RYR2: variants seen among roughly 807,000 people sequenced by gnomAD.
RYR2 encodes ryanodine receptor 2.
In RYR2, 227 loss-of-function variants were observed where a neutral mutation model predicts 601.1. The ratio of observed to expected loss-of-function variants is 0.38; its 90% CI spans 0.34 to 0.42. RYR2 has a LOEUF of 0.42. Ranked by LOEUF, RYR2 falls within the 10% of genes least tolerant of loss-of-function variation. RYR2 has a pLI of 1.00. For synonymous variants in RYR2, 2,223 were observed against 2,175.1 expected (o/e 1.02, Z -0.61); for missense variants, 4,646 against 6,156.5 (o/e 0.75, Z 8.21).
At chr1:237,648,040 C>G (rs1351986989) in intron 48 of RYR2, among the ~76,000 whole-genome samples, 1 of 152,158 alleles carries the variant, frequency 6.6e-6, no homozygotes, top group East Asian at 1.9e-4. Flanking sequence ...CCAAGATTAT[C>G]ACATAAAGGT....
chr1:237,042,631 G>T, intron 1 of RYR2, 62 bp downstream of exon 1: 1 of 1,243,874 alleles, frequency 8.0e-7, no homozygotes, highest in Non-Finnish European at 1.0e-6. Context: ...CCACTAGCGG[G>T]GTCCGGGCAG....
intron 13 of RYR2, among the ~76,000 whole-genome samples, chr1:237,441,694 C>T (rs1258654586): frequency 2.6e-5 from 4 of 152,030 alleles, no homozygotes; most frequent in African/African-American, 4.8e-5. Context: ...TTATGGGATG[C>T]GTGCATTTAA....
chr1:237,102,844 G>A (rs990420520), intron 1 of RYR2, among the ~76,000 whole-genome samples: 1 of 152,066 alleles, frequency 6.6e-6, no homozygotes, highest in Non-Finnish European at 1.5e-5. Context: ...AACAGAGCAA[G>A]ACTCCATCTA....
At chr1:237,258,090 C>T (rs1299549300) in intron 1 of RYR2, among the ~76,000 whole-genome samples, 1 of 150,210 alleles carries the variant, frequency 6.7e-6, no homozygotes, top group Non-Finnish European at 1.5e-5. Context: ...ATCCCTTGAA[C>T]CCAGGAGGTC....
intron 1 of RYR2, among the ~76,000 whole-genome samples, chr1:237,199,822 T>C (rs1047909437): frequency 6.6e-6 from 1 of 152,210 alleles, no homozygotes; most frequent in African/African-American, 2.4e-5. Context: ...CATCATCTCA[T>C]ATGCATGGAA....
intron 63 of RYR2, among the ~76,000 whole-genome samples, chr1:237,692,230 G>C (rs182834047): frequency 6.6e-6 from 1 of 152,138 alleles, no homozygotes; most frequent in Admixed American, 6.5e-5. Context: ...TGTCTGCCAC[G>C]TGAAAGGCAT....
chr1:237,165,815 A>G (rs1337664467), intron 1 of RYR2, among the ~76,000 whole-genome samples: 1 of 152,062 alleles, frequency 6.6e-6, no homozygotes, highest in Non-Finnish European at 1.5e-5. Flanking sequence ...CAGCTTGGCA[A>G]TATAGTGAGA....
intron 67 of RYR2, among the ~76,000 whole-genome samples, chr1:237,706,456 G>A (rs1413740848): frequency 6.6e-6 from 1 of 152,182 alleles, no homozygotes; most frequent in Non-Finnish European, 1.5e-5. Context: ...GTGAAAAGCA[G>A]CTTTGTTCCT....
chr1:237,666,718 T>C, intron 57 of RYR2, 129 bp downstream of exon 57: 1 of 726,812 alleles, frequency 1.4e-6, no homozygotes, highest in Middle Eastern at 3.5e-4. Context: ...ATCCATGGAA[T>C]TTATAGATTA....
At chr1:237,671,169 T>G (rs186040282) in intron 58 of RYR2, among the ~76,000 whole-genome samples, 1 of 152,254 alleles carries the variant, frequency 6.6e-6, no homozygotes, top group East Asian at 1.9e-4. Context: ...TGGATCTCAT[T>G]TTTAAAGAGG....
chr1:237,333,359 A>G (rs1284209194), intron 3 of RYR2, among the ~76,000 whole-genome samples: 6 of 152,210 alleles, frequency 3.9e-5, no homozygotes, highest in Non-Finnish European at 8.8e-5. Context: ...TATACCCAGA[A>G]ATGATATTCA....
At chr1:237,268,673 C>T (rs568109108) in intron 1 of RYR2, among the ~76,000 whole-genome samples, 1 of 152,008 alleles carries the variant, frequency 6.6e-6, no homozygotes, top group African/African-American at 2.4e-5. Flanking sequence ...TGCGGTGGCT[C>T]ACACCTGTAA....
chr1:237,726,970 C>A lies in RYR2; in HGVS notation c.10726-117C>A, dbSNP rs1690256048. ...GAATTGGAATTCCAAATATAGATTA[C>A]TTAAGAGGGGCAACTGTTTAATACT... On this transcript the variant is annotated intron_variant, in intron 75 of 104. Coordinates refer to ENST00000366574, the MANE Select transcript of RYR2 (RefSeq NM_001035.3). The A allele has an allele frequency of 5.6e-5, 34 of 606,174 alleles. No homozygotes were observed. The South Asian group carries it at 7.7e-4, about 14-fold the overall frequency. 37.5% of individuals were successfully genotyped at this position (606,174 alleles called of 1,614,324 possible).
chr1:237,778,041 A>G (rs967159809), intron 87 of RYR2, among the ~76,000 whole-genome samples: 6 of 152,214 alleles, frequency 3.9e-5, no homozygotes, highest in African/African-American at 1.4e-4. Flanking sequence ...AACGCAAGAC[A>G]CTGGAGCCAT....
At chr1:237,669,083 C>A (rs547961289) in intron 58 of RYR2, among the ~76,000 whole-genome samples, 1 of 148,738 alleles carries the variant, frequency 6.7e-6, no homozygotes, top group Non-Finnish European at 1.5e-5. Flanking sequence ...TGACTCTTAA[C>A]GAGCATGCTG....
At chr1:237,754,079 A>G (rs888037308) in intron 80 of RYR2, among the ~76,000 whole-genome samples, 1 of 152,128 alleles carries the variant, frequency 6.6e-6, no homozygotes, top group Non-Finnish European at 1.5e-5. Context: ...AATAAATTCA[A>G]CAGAGAGGTT....
chr1:237,765,318 ATT>A lies in RYR2; in HGVS notation c.11476+4301_11476+4302del, dbSNP rs5781989. Among the ~76,000 whole-genome samples the A allele has an allele frequency of 7.5e-3, 1,121 of 149,730 alleles. 21 individuals carry two copies. The highest frequency in any genetic ancestry group is 0.075 in the South Asian group (355 of 4,746). ...CTTGGAATATAGCAGAAGATACTGA[ATT>A]TTTTTTTTTTGATCATGAGGTAGTC... On this transcript the variant is annotated intron_variant, in intron 84 of 104. Coordinates refer to ENST00000366574, the MANE Select transcript of RYR2 (RefSeq NM_001035.3).
rs75762041 is a variant in RYR2 at position 237,503,594 on chromosome 1, C to T, written c.2613+89C>T. 3,590 of 1,245,608 alleles carry T rather than the reference C, an allele frequency of 2.9e-3. 64 individuals carry two copies. The African/African-American group carries it at 0.033, about 11-fold the overall frequency. The allele number at this position is 1,245,608 out of a possible 1,614,324, so 77.2% of individuals were successfully genotyped here. A position where few individuals can be genotyped will look rare whatever the true frequency, so the allele number is the denominator to read the frequency against. Reference sequence around the variant, plus strand: ...ACACTTGGACCACAACCCATAGGAACGAATTTCACAGTAATACAGTTGTAC... The same window carrying T: ...ACACTTGGACCACAACCCATAGGAATGAATTTCACAGTAATACAGTTGTAC... On this transcript the variant is annotated intron_variant, in intron 22 of 104. Transcript: ENST00000366574.
intron 35 of RYR2, among the ~76,000 whole-genome samples, chr1:237,607,249 A>G (rs1484256362): frequency 1.3e-5 from 2 of 152,224 alleles, no homozygotes; most frequent in African/African-American, 4.8e-5. Flanking sequence ...CAGCCACGAA[A>G]AATGATGAGT....
Sources: gnomAD v4.1 joint callset for allele counts (sites outside exome capture counted in the v4.1 genomes callset) on GRCh38, gnomAD v4.1.1 for gene constraint, MANE v1.5 for transcripts, NCBI Gene and HGNC (gene_info 2026-07-23, HGNC 2026-07-21) for gene names.